Variants in CCDC158 observed in about 807,000 individuals in gnomAD.
The protein encoded by CCDC158 is coiled-coil domain-containing protein 158.
CCDC158 carries 116 observed loss-of-function variants against 138.6 expected under a neutral mutation model. The ratio of observed to expected loss-of-function variants is 0.84; its 90% CI spans 0.72 to 0.98. The LOEUF is 0.98. Among genes scored for constraint, CCDC158 ranks in the 50% least tolerant of loss-of-function variants. The probability of loss-of-function intolerance (pLI) is 0.00; values close to 1 mark genes in which losing one functional copy is unlikely to be tolerated. For synonymous variants in CCDC158, 436 were observed against 442.4 expected (o/e 0.99, Z 0.18); for missense variants, 1,265 against 1,306.1 (o/e 0.97, Z 0.48).
intron 4 of CCDC158, among the ~76,000 whole-genome samples, chr4:76,391,865 T>C (rs1337463680): frequency 2.0e-5 from 3 of 151,948 alleles, no homozygotes; most frequent in Non-Finnish European, 4.4e-5. Context: ...ATTCAAAGGA[T>C]AATTTGTGGC....
At chr4:76,317,192 A>T (rs1719483102) in intron 24 of CCDC158, among the ~76,000 whole-genome samples, 1 of 152,174 alleles carries the variant, frequency 6.6e-6, no homozygotes, top group Admixed American at 6.5e-5. Context: ...GAATGGCAGA[A>T]AGGATAAAAA....
chr4:76,362,097 T>C, intron 13 of CCDC158, 29 bp downstream of exon 13: 1 of 1,598,426 alleles, frequency 6.3e-7, no homozygotes, highest in South Asian at 1.1e-5. Flanking sequence ...CTCTTATTTT[T>C]TAGTAGGATT....
Position 76,381,883 on chromosome 4 carries a change from G to A in CCDC158, c.914+727C>T, listed in dbSNP as rs139966135. Among the ~76,000 whole-genome samples, 116 of 152,030 alleles carry A rather than the reference G, an allele frequency of 7.6e-4. 1 individual carries two copies. The highest frequency in any genetic ancestry group is 5.4e-3 in the South Asian group (26 of 4,802). ...TTTTTAGTGGAGACAGGGTTTCACCGTGTTAGCCAGGATGCTCTCGATCTC... is the reference window on the plus strand; with the variant it reads ...TTTTTAGTGGAGACAGGGTTTCACCATGTTAGCCAGGATGCTCTCGATCTC... On this transcript the variant is annotated intron_variant, in intron 8 of 24. Transcript: ENST00000682701.
intron 18 of CCDC158, chr4:76,344,625 G>A: frequency 1.3e-6 from 2 of 1,523,814 alleles, no homozygotes; most frequent in Non-Finnish European, 1.8e-6. Context: ...CAGTGAGAGA[G>A]ATAAAGTCAA....
intron 7 of CCDC158, among the ~76,000 whole-genome samples, chr4:76,383,443 T>C (rs1361352040): frequency 6.6e-6 from 1 of 152,080 alleles, no homozygotes; most frequent in African/African-American, 2.4e-5. Context: ...TCTCTCTCTC[T>C]CCTACAGCAA....
At chr4:76,379,842 G>T (rs954156344) in intron 8 of CCDC158, among the ~76,000 whole-genome samples, 1 of 152,006 alleles carries the variant, frequency 6.6e-6, no homozygotes, top group Admixed American at 6.6e-5. Flanking sequence ...CATGTCAGGG[G>T]AGGGACCTGG....
At chr4:76,364,629 T>C (rs1220292347) in intron 12 of CCDC158, among the ~76,000 whole-genome samples, 1 of 152,246 alleles carries the variant, frequency 6.6e-6, no homozygotes, top group Non-Finnish European at 1.5e-5. Flanking sequence ...TAAAATTATA[T>C]ATGTCACTTA....
At chr4:76,411,410 A>G (rs1259086425) in intron 2 of CCDC158, among the ~76,000 whole-genome samples, 1 of 152,190 alleles carries the variant, frequency 6.6e-6, no homozygotes, top group African/African-American at 2.4e-5. Flanking sequence ...AAAAAAACAA[A>G]AACCAAAAAA....
At chr4:76,407,236 G>T (rs1483162080) in intron 2 of CCDC158, 2 of 151,920 alleles carry the variant, frequency 1.3e-5, no homozygotes, top group Non-Finnish European at 2.9e-5. Context: ...TCTTCCTTTT[G>T]ATTACTGAGA....
chr4:76,342,746 C>T (rs752308346), intron 18 of CCDC158, among the ~76,000 whole-genome samples: 2 of 152,106 alleles, frequency 1.3e-5, no homozygotes, highest in African/African-American at 2.4e-5. Flanking sequence ...TGGGAGATGG[C>T]AGGCATATGG....
chr4:76,344,414 C>T, intron 18 of CCDC158: 1 of 605,544 alleles, frequency 1.7e-6, no homozygotes, highest in East Asian at 2.8e-5. Flanking sequence ...GTGGTATTGT[C>T]TTGTGCCACA....
Position 76,387,821 on chromosome 4 carries a change from T to TAA in CCDC158, c.289-3158_289-3157dup, listed in dbSNP as rs57778797. On this transcript the variant is annotated intron_variant, in intron 4 of 24. Coordinates refer to ENST00000682701, the MANE Select transcript of CCDC158 (RefSeq NM_001394954.1). ...CTGGGCGACAGAGACAGACTACAAC[T>TAA]AAAAAAAAAAAAAAAAAAATCAAAC... Among the ~76,000 whole-genome samples the TAA allele has an allele frequency of 6.6e-3, 685 of 103,986 alleles. 10 individuals are homozygous for TAA. Among genetic ancestry groups the TAA allele is most frequent in the South Asian group, 0.018 (50 of 2,756 alleles). 68.2% of individuals were successfully genotyped at this position (103,986 alleles called of 152,430 possible).
At chr4:76,316,896 C>T (rs1213970745) in intron 24 of CCDC158, among the ~76,000 whole-genome samples, 1 of 29,958 alleles carries the variant, frequency 3.3e-5, no homozygotes, top group East Asian at 6.9e-4. Context: ...AAGTCTTTTG[C>T]AGACAAAAAA....
At chr4:76,378,625 A>ACT (rs923356529) in intron 9 of CCDC158, among the ~76,000 whole-genome samples, 10 of 152,034 alleles carry the variant, frequency 6.6e-5, no homozygotes, top group African/African-American at 2.4e-4. Flanking sequence ...GAAGACCACC[A>ACT]CTCCTCTTAA....
chr4:76,340,018 A>G (rs1721903938), intron 18 of CCDC158, among the ~76,000 whole-genome samples: 1 of 152,194 alleles, frequency 6.6e-6, no homozygotes, highest in African/African-American at 2.4e-5. Context: ...TTTAGAAAAA[A>G]TCACCACTGG....
chr4:76,347,221 T>G (rs1434195466), intron 18 of CCDC158, among the ~76,000 whole-genome samples: 1 of 152,170 alleles, frequency 6.6e-6, no homozygotes, highest in East Asian at 1.9e-4. Flanking sequence ...TAAAGACACA[T>G]GCACATGTAT....
In CCDC158 at chr4:76,334,199, T is replaced by G. The variant is rs781208195; in HGVS notation, c.2665-32A>C. 25 of 1,482,026 alleles carry G rather than the reference T, an allele frequency of 1.7e-5. No individual in the cohort carries two copies. The African/African-American group carries it at 2.4e-4, about 14-fold the overall frequency. The allele number at this position is 1,482,026 out of a possible 1,614,324, so 91.8% of individuals were successfully genotyped here. On this transcript the variant is annotated intron_variant, in intron 18 of 24. Transcript: ENST00000682701. ...TAAAACAATTTACAAAGACACTTAT[T>G]TTTTCAGATTTCTATGCTATTTCCT... is the stretch of plus-strand genomic sequence containing the variant.
At chr4:76,346,633 C>G (rs2110153488) in intron 18 of CCDC158, among the ~76,000 whole-genome samples, 1 of 152,164 alleles carries the variant, frequency 6.6e-6, no homozygotes, top group South Asian at 2.1e-4. Context: ...TCACTTGAAC[C>G]CGGGAGGCGG....
At chr4:76,380,922 C>T (rs28806638) in intron 8 of CCDC158, among the ~76,000 whole-genome samples, 4,488 of 152,328 alleles carry the variant, frequency 0.029, 221 homozygotes, top group African/African-American at 0.1. Context: ...AGGTACAGCT[C>T]GGGCTGTTGC....
Sources: gnomAD v4.1 joint callset for allele counts (sites outside exome capture counted in the v4.1 genomes callset) on GRCh38, gnomAD v4.1.1 for gene constraint, MANE v1.5 for transcripts, NCBI Gene and HGNC (gene_info 2026-07-23, HGNC 2026-07-21) for gene names.